MITF: variants seen among roughly 807,000 people sequenced by gnomAD.
MITF encodes microphthalmia-associated transcription factor.
MITF carries 17 observed loss-of-function variants against 60.5 expected under a neutral mutation model. The ratio of observed to expected loss-of-function variants is 0.28; its 90% CI spans 0.19 to 0.42. MITF has a LOEUF of 0.42. MITF is among the 10% of genes least tolerant of loss of function. The probability of loss-of-function intolerance (pLI) is 1.00; values close to 1 mark genes in which losing one functional copy is unlikely to be tolerated. For missense variants in MITF, 622 were observed against 683.5 expected, an observed-to-expected ratio of 0.91 and a Z score of 1.00; for synonymous variants, 260 against 248.5, an observed-to-expected ratio of 1.05 and a Z score of -0.43.
At chr3:69,867,104 A>AT (rs1330273798) in intron 1 of MITF, among the ~76,000 whole-genome samples, 4 of 152,178 alleles carry the variant, frequency 2.6e-5, no homozygotes, top group Non-Finnish European at 4.4e-5. Context: ...AAACAGTGCT[A>AT]AAAGCTGTGT....
chr3:69,907,144 C>T (rs557373174), intron 2 of MITF, among the ~76,000 whole-genome samples: 9 of 152,200 alleles, frequency 5.9e-5, no homozygotes, highest in Non-Finnish European at 8.8e-5. Flanking sequence ...TGTTCCTAAT[C>T]GCTATGCTAC....
In MITF at chr3:69,951,806, G is replaced by T. The variant is rs752788538; in HGVS notation, c.881-6G>T. 1.2e-6 allele frequency: 2 copies of T among 1,612,006 alleles called. No individual in the cohort carries two copies. The highest frequency in any genetic ancestry group is 1.7e-4 in the Middle Eastern group (1 of 6,058). On this transcript the variant is annotated splice_region_variant and splice_polypyrimidine_tract_variant and intron_variant, in intron 6 of 9. Coordinates refer to ENST00000352241, the MANE Select transcript of MITF (RefSeq NM_001354604.2). ...CAACTTCTAATGACTTCATTCACGT[G>T]CACAGCGTGTATTTTTCCCACAGAG...
chr3:69,791,470 G>A (rs1305844955), intron 1 of MITF, among the ~76,000 whole-genome samples: 1 of 152,064 alleles, frequency 6.6e-6, no homozygotes, highest in Non-Finnish European at 1.5e-5. Flanking sequence ...TATTTTGCAA[G>A]CAAAAACAAC....
intron 1 of MITF, among the ~76,000 whole-genome samples, chr3:69,817,013 A>G (rs1575759340): frequency 6.6e-6 from 1 of 152,282 alleles, no homozygotes; most frequent in South Asian, 2.1e-4. Context: ...CAGTCACAGA[A>G]GTTACAGAAA....
chr3:69,843,375 C>A (rs1335363549), intron 1 of MITF, among the ~76,000 whole-genome samples: 1 of 152,182 alleles, frequency 6.6e-6, no homozygotes, highest in Non-Finnish European at 1.5e-5. Context: ...CAGAAATAAT[C>A]TAGGCCAGCA....
intron 2 of MITF, among the ~76,000 whole-genome samples, chr3:69,913,898 T>G (rs1454936521): frequency 6.6e-6 from 1 of 152,220 alleles, no homozygotes; most frequent in African/African-American, 2.4e-5. Flanking sequence ...TTTTATTAAC[T>G]GTGACACAAT....
At chr3:69,756,152 CATGTGCAGA>C (rs1704139957) in intron 1 of MITF, among the ~76,000 whole-genome samples, 1 of 151,904 alleles carries the variant, frequency 6.6e-6, no homozygotes, top group East Asian at 1.9e-4. Context: ...TTCTAGGATA[CATGTGCAGA>C]ATGTGCAGGT....
Position 69,785,238 on chromosome 3 carries a change from C to T in MITF, c.104+45537C>T, listed in dbSNP as rs143620737. Among the ~76,000 whole-genome samples, 151 of 151,732 alleles carry T rather than the reference C, an allele frequency of 1.0e-3. 1 individual carries two copies. The East Asian group carries it at 0.025, about 25-fold the overall frequency. On this transcript the variant is annotated intron_variant, in intron 1 of 9. Transcript: ENST00000352241. ...AGCTGAGTGGAGCAGTGAGTCACGGCGTGCTGCGGCAGTGGTGTCCTGAAA... is the reference window on the plus strand; with the variant it reads ...AGCTGAGTGGAGCAGTGAGTCACGGTGTGCTGCGGCAGTGGTGTCCTGAAA...
chr3:69,890,610 G>A (rs1266613773), intron 2 of MITF, among the ~76,000 whole-genome samples: 4 of 152,156 alleles, frequency 2.6e-5, no homozygotes, highest in Non-Finnish European at 2.9e-5. Context: ...TTGTGCTGAT[G>A]TCTCTAAGGC....
intron 1 of MITF, among the ~76,000 whole-genome samples, chr3:69,862,121 T>A (rs2064027242): frequency 6.6e-6 from 1 of 152,064 alleles, no homozygotes; most frequent in African/African-American, 2.4e-5. Flanking sequence ...TAGACCCCTA[T>A]GAGAATCATT....
intron 3 of MITF, chr3:69,938,522 A>T (rs2065897319): frequency 6.9e-7 from 1 of 1,446,054 alleles, no homozygotes. Context: ...ATATGCATGG[A>T]TGGATTTGAA....
chr3:69,748,203 T>A (rs185508718), intron 1 of MITF, among the ~76,000 whole-genome samples: 1 of 152,366 alleles, frequency 6.6e-6, no homozygotes, highest in Non-Finnish European at 1.5e-5. Flanking sequence ...TTAGTAGCTG[T>A]GTTCTTTGAT....
At chr3:69,791,272 T>G (rs961641873) in intron 1 of MITF, among the ~76,000 whole-genome samples, 2 of 152,212 alleles carry the variant, frequency 1.3e-5, no homozygotes, top group Non-Finnish European at 2.9e-5. Context: ...AAATCCGGCC[T>G]CCGCAACTGT....
chr3:69,955,158 T>A (rs756636260), intron 7 of MITF, among the ~76,000 whole-genome samples: 2 of 152,194 alleles, frequency 1.3e-5, no homozygotes, highest in Non-Finnish European at 2.9e-5. Context: ...CTGTGCTATC[T>A]AGTACAGTAG....
At chr3:69,871,165 A>G (rs559384233) in intron 1 of MITF, among the ~76,000 whole-genome samples, 2 of 152,192 alleles carry the variant, frequency 1.3e-5, no homozygotes, top group South Asian at 4.2e-4. Flanking sequence ...TGTTTCCTCC[A>G]GTTTGGCTTT....
intron 1 of MITF, among the ~76,000 whole-genome samples, chr3:69,773,441 T>C (rs2062423669): frequency 6.6e-6 from 1 of 152,058 alleles, no homozygotes; most frequent in African/African-American, 2.4e-5. Context: ...AAAACAGGGG[T>C]CTGTGAATTT....
At chr3:69,840,362 T>A (rs2107136880) in intron 1 of MITF, among the ~76,000 whole-genome samples, 1 of 152,290 alleles carries the variant, frequency 6.6e-6, no homozygotes, top group Admixed American at 6.5e-5. Context: ...GTGTCACATA[T>A]ACACAGAGGT....
chr3:69,948,401 CTTTTT>C (rs5849932), intron 5 of MITF, among the ~76,000 whole-genome samples: 1 of 146,988 alleles, frequency 6.8e-6, no homozygotes, highest in African/African-American at 2.5e-5. Context: ...ATTTCTTTTA[CTTTTT>C]TTTTTTATTA....
intron 1 of MITF, chr3:69,763,884 A>AT (rs781679550): frequency 7.2e-7 from 1 of 1,379,594 alleles, no homozygotes; most frequent in South Asian, 1.2e-5. Context: ...CCCACGAGCT[A>AT]TTTTCTCTCT....
Sources: allele counts gnomAD v4.1 joint callset (sites outside exome capture counted in the v4.1 genomes callset), GRCh38; gene constraint gnomAD v4.1.1; transcripts MANE v1.5; gene names NCBI Gene and HGNC (gene_info 2026-07-23, HGNC 2026-07-21).